Variants in LPP observed in about 807,000 individuals in gnomAD.
The protein encoded by LPP is LIM domain containing preferred translocation partner in lipoma.
A neutral mutation model predicts 60.4 loss-of-function variants in LPP; 38 were observed. The observed-to-expected ratio is 0.63, with a 90% CI of 0.49 to 0.83. The LOEUF is 0.83. LPP is among the 40% of genes least tolerant of loss of function. The pLI, the probability that LPP is intolerant of heterozygous loss-of-function variation, is 0.00. For synonymous variants in LPP, 328 were observed against 290.8 expected (o/e 1.13, Z -1.30); for missense variants, 902 against 783.6 (o/e 1.15, Z -1.80).
chr3:188,346,448 A>G (rs1764415170), intron 3 of LPP, among the ~76,000 whole-genome samples: 1 of 147,486 alleles, frequency 6.8e-6, no homozygotes, highest in South Asian at 2.1e-4. Flanking sequence ...TTTTTTAAGT[A>G]GAGATGGGGT....
intron 1 of LPP, among the ~76,000 whole-genome samples, chr3:188,196,246 T>C (rs1316845397): frequency 6.6e-6 from 1 of 152,210 alleles, no homozygotes; most frequent in Non-Finnish European, 1.5e-5. Context: ...TATCTCCAGT[T>C]TGGAACTCCT....
rs1433317152 is a variant in LPP, at chr3:188,886,764, A to ACACACACACC, written c.*12286_*12287insACACACACCC. ...CACACACACACACACACACACACAC[A>ACACACACACC]CCCCTTCCAAGAAAGCTGATCCTTC... On this transcript the variant is annotated 3_prime_UTR_variant, in exon 12 of 12. Transcript: ENST00000617246. 1.8e-5 allele frequency: 4 copies of ACACACACACC among 223,304 alleles called. No homozygotes were observed. Among genetic ancestry groups the ACACACACACC allele is most frequent in the Non-Finnish European group, 2.6e-5 (3 of 114,788 alleles). 13.8% of individuals were successfully genotyped at this position (223,304 alleles called of 1,614,324 possible). A position where few individuals can be genotyped will look rare whatever the true frequency, so the allele number is the denominator to read the frequency against.
At chr3:188,210,343 A>C (rs1734368056) in intron 1 of LPP, among the ~76,000 whole-genome samples, 2 of 152,326 alleles carry the variant, frequency 1.3e-5, no homozygotes, top group South Asian at 4.1e-4. Flanking sequence ...AGACAGACAT[A>C]GGTTGAAATA....
chr3:188,157,472 T>G (rs982653727), intron 1 of LPP, among the ~76,000 whole-genome samples: 1 of 151,694 alleles, frequency 6.6e-6, no homozygotes, highest in Non-Finnish European at 1.5e-5. Context: ...ACGGGTAGAG[T>G]GTAACTCATA....
intron 2 of LPP, among the ~76,000 whole-genome samples, chr3:188,276,699 C>T (rs867472298): frequency 3.4e-5 from 4 of 115,946 alleles, no homozygotes; most frequent in East Asian, 2.3e-4. Flanking sequence ...CTCTCTTTCT[C>T]TCTCTCTCTC....
At chr3:188,256,929 T>C (rs1308871753) in intron 2 of LPP, among the ~76,000 whole-genome samples, 1 of 152,204 alleles carries the variant, frequency 6.6e-6, no homozygotes, top group Non-Finnish European at 1.5e-5. Flanking sequence ...CTCCTATTAA[T>C]TTGCAGATTG....
intron 9 of LPP, among the ~76,000 whole-genome samples, chr3:188,792,070 C>T (rs542048083): frequency 6.6e-6 from 1 of 152,264 alleles, no homozygotes; most frequent in South Asian, 2.1e-4. Flanking sequence ...TGCTGCTATA[C>T]CAGGCTGTCC....
chr3:188,760,444 G>GCGCGCGCA (rs1731925724), intron 9 of LPP, among the ~76,000 whole-genome samples, 162 bp downstream of exon 9: 1 of 151,868 alleles, frequency 6.6e-6, no homozygotes, highest in Non-Finnish European at 1.5e-5. Flanking sequence ...GTGCGTGCGC[G>GCGCGCGCA]CATGTAAATT....
intron 2 of LPP, among the ~76,000 whole-genome samples, chr3:188,253,916 T>C (rs561984305): frequency 6.6e-6 from 1 of 152,316 alleles, no homozygotes; most frequent in African/African-American, 2.4e-5. Context: ...AATTACTCTG[T>C]GCTCTCTCCT....
At position 188,550,526 on chromosome 3, in the gene LPP, C is replaced by T. The variant is rs572636626; in HGVS notation, c.429+25739C>T. Among the ~76,000 whole-genome samples the T allele has an allele frequency of 1.7e-3, 223 of 132,250 alleles. 1 individual carries two copies. Among genetic ancestry groups the T allele is most frequent in the African/African-American group, 5.9e-3 (198 of 33,742 alleles). The allele number at this position is 132,250 out of a possible 152,430, so 86.8% of individuals were successfully genotyped here. On this transcript the variant is annotated intron_variant, in intron 6 of 11. Coordinates refer to ENST00000617246, the MANE Select transcript of LPP (RefSeq NM_001375462.1). Reference sequence around the variant, plus strand: ...CTGAGAGGCGGAGGTTGCGGTGAGCCGAGATCACGCCACTGCACTCCAGCC... The same window carrying T: ...CTGAGAGGCGGAGGTTGCGGTGAGCTGAGATCACGCCACTGCACTCCAGCC...
chr3:188,702,354 T>C (rs1454542898), intron 7 of LPP, among the ~76,000 whole-genome samples: 2 of 151,238 alleles, frequency 1.3e-5, no homozygotes, highest in Admixed American at 6.6e-5. Flanking sequence ...TTTTTTTTTT[T>C]CCGGCTGTTG....
intron 2 of LPP, among the ~76,000 whole-genome samples, chr3:188,328,434 G>T (rs1759059488): frequency 1.3e-5 from 2 of 152,162 alleles, no homozygotes; most frequent in African/African-American, 4.8e-5. Context: ...TATTAGAAAG[G>T]TGTCAAGTGC....
chr3:188,467,047 A>G (rs1465124229), intron 4 of LPP, among the ~76,000 whole-genome samples: 1 of 150,344 alleles, frequency 6.7e-6, no homozygotes, highest in Non-Finnish European at 1.5e-5. Context: ...TGGTGTGTAT[A>G]ATTCTGGTCA....
intron 9 of LPP, among the ~76,000 whole-genome samples, chr3:188,808,995 C>G (rs1233012520): frequency 6.6e-6 from 1 of 152,212 alleles, no homozygotes; most frequent in Non-Finnish European, 1.5e-5. Context: ...ATCCATGTCA[C>G]TGCAAAGGAC....
chr3:188,863,066 A>G (rs1265325867), intron 9 of LPP, among the ~76,000 whole-genome samples: 4 of 152,184 alleles, frequency 2.6e-5, no homozygotes, highest in Admixed American at 2.6e-4. Context: ...TAAAGGTAAT[A>G]TAGTCCAGGT....
chr3:188,734,188 AC>A (rs1287950786), intron 8 of LPP, among the ~76,000 whole-genome samples: 2 of 152,124 alleles, frequency 1.3e-5, no homozygotes, highest in Non-Finnish European at 1.5e-5. Context: ...CCTCTCCTTG[AC>A]TTTATCTGCA....
intron 6 of LPP, among the ~76,000 whole-genome samples, chr3:188,575,082 T>C (rs1241892853): frequency 3.3e-5 from 5 of 152,104 alleles, no homozygotes; most frequent in African/African-American, 1.2e-4. Flanking sequence ...CCTGAAAAGC[T>C]GTGGCTCTCC....
chr3:188,816,784 T>A (rs1441056423), intron 9 of LPP, among the ~76,000 whole-genome samples: 1 of 152,228 alleles, frequency 6.6e-6, no homozygotes, highest in African/African-American at 2.4e-5. Flanking sequence ...CCAAGTTTTA[T>A]GAAATAACTA....
rs897871341 is a variant in LPP at position 188,666,492 on chromosome 3, A to T, written c.1114-41775A>T. Reference sequence around the variant, plus strand: ...TAAGAAACTGTAAGTCTGGGGTGGGATCTGGCCTCAGTAATTCTCTGGCTG... The same window carrying T: ...TAAGAAACTGTAAGTCTGGGGTGGGTTCTGGCCTCAGTAATTCTCTGGCTG... On this transcript the variant is annotated intron_variant, in intron 7 of 11. Transcript: ENST00000617246. Among the ~76,000 whole-genome samples the T allele has an allele frequency of 2.6e-5, 4 of 152,226 alleles. No individual in the cohort carries two copies. The East Asian group carries it at 7.7e-4, about 29-fold the overall frequency.
Sources: gnomAD v4.1 joint callset for allele counts (sites outside exome capture counted in the v4.1 genomes callset) on GRCh38, gnomAD v4.1.1 for gene constraint, MANE v1.5 for transcripts, NCBI Gene and HGNC (gene_info 2026-07-23, HGNC 2026-07-21) for gene names.